Variants in GRM8 observed in about 807,000 individuals in gnomAD.
The protein encoded by GRM8 is glutamate metabotropic receptor 8.
A neutral mutation model predicts 87.2 loss-of-function variants in GRM8; 47 were observed. The observed-to-expected ratio is 0.54, with a 90% CI of 0.43 to 0.69. The LOEUF is 0.69. Among genes scored for constraint, GRM8 ranks in the 30% least tolerant of loss-of-function variants. The probability of loss-of-function intolerance (pLI) is 0.00; values close to 1 mark genes in which losing one functional copy is unlikely to be tolerated. For missense variants in GRM8, 1,019 were observed against 1,139.2 expected (o/e 0.89, Z 1.52); for synonymous variants, 396 against 404.5 (o/e 0.98, Z 0.25).
intron 3 of GRM8, among the ~76,000 whole-genome samples, chr7:126,929,284 G>A (rs1805484399): frequency 2.0e-5 from 3 of 152,186 alleles, no homozygotes; most frequent in African/African-American, 7.2e-5. Context: ...AATCTGTCTA[G>A]TGCTAGCCAG....
At chr7:126,528,968 A>C (rs1814364753) in intron 9 of GRM8, among the ~76,000 whole-genome samples, 1 of 152,224 alleles carries the variant, frequency 6.6e-6, no homozygotes, top group African/African-American at 2.4e-5. Context: ...TAAATAGAGA[A>C]AAAGAACAAG....
chr7:126,439,213 C>T, intron 10 of GRM8, 45 bp from the exon 11 acceptor site: 1 of 1,021,434 alleles, frequency 9.8e-7, no homozygotes, highest in South Asian at 1.3e-5. Flanking sequence ...TATAATAATA[C>T]ATCCTTTTGT....
At chr7:126,998,732 T>C (rs1294482321) in intron 3 of GRM8, among the ~76,000 whole-genome samples, 1 of 150,860 alleles carries the variant, frequency 6.6e-6, no homozygotes, top group Non-Finnish European at 1.5e-5. Flanking sequence ...ACAATGAAAA[T>C]TATAAAACAC....
At chr7:126,700,107 T>C (rs890052623) in intron 7 of GRM8, among the ~76,000 whole-genome samples, 4 of 152,182 alleles carry the variant, frequency 2.6e-5, no homozygotes, top group Admixed American at 6.6e-5. Flanking sequence ...CTGATTCAAC[T>C]TTACAGAATG....
chr7:126,542,644 T>C (rs1816676273), intron 8 of GRM8, among the ~76,000 whole-genome samples: 1 of 152,222 alleles, frequency 6.6e-6, no homozygotes, highest in Non-Finnish European at 1.5e-5. Context: ...TGTGTATCAA[T>C]ACAAGACAGT....
chr7:126,977,779 T>C (rs1382126111), intron 3 of GRM8, among the ~76,000 whole-genome samples: 1 of 152,160 alleles, frequency 6.6e-6, no homozygotes, highest in East Asian at 1.9e-4. Context: ...TGTTACTCAA[T>C]GTCCTGGAAG....
intron 2 of GRM8, among the ~76,000 whole-genome samples, chr7:127,201,364 TA>T (rs1795581298): frequency 6.6e-6 from 1 of 152,200 alleles, no homozygotes; most frequent in Admixed American, 6.5e-5. Context: ...ACACAGCTAG[TA>T]AGTAACAGAT....
intron 3 of GRM8, among the ~76,000 whole-genome samples, chr7:126,970,740 C>T (rs1457258889): frequency 5.3e-5 from 8 of 152,114 alleles, no homozygotes; most frequent in African/African-American, 7.2e-5. Context: ...TCTCAGCTTT[C>T]GACCTGCTTT....
intron 6 of GRM8, among the ~76,000 whole-genome samples, chr7:126,778,586 C>A (rs773997099): frequency 7.9e-4 from 121 of 152,204 alleles, no homozygotes; most frequent in Non-Finnish European, 1.4e-3. Flanking sequence ...TTGCATTTTT[C>A]TACATAATTA....
intron 6 of GRM8, among the ~76,000 whole-genome samples, chr7:126,851,275 T>A (rs1458685705): frequency 1.3e-5 from 2 of 152,172 alleles, no homozygotes; most frequent in African/African-American, 2.4e-5. Context: ...GGGCTATCCC[T>A]CTGTTCCAAG....
intron 2 of GRM8, among the ~76,000 whole-genome samples, chr7:127,136,786 C>T (rs1827966332): frequency 6.6e-6 from 1 of 151,656 alleles, no homozygotes; most frequent in African/African-American, 2.4e-5. Context: ...ATGTTTTGGA[C>T]ACTTACACTT....
At chr7:126,778,007 A>G (rs1304465947) in intron 6 of GRM8, among the ~76,000 whole-genome samples, 2 of 152,184 alleles carry the variant, frequency 1.3e-5, no homozygotes, top group African/African-American at 4.8e-5. Flanking sequence ...TTCTTAAAAT[A>G]TAACATCAAA....
chr7:127,005,184 A>C (rs1814163567), intron 3 of GRM8, among the ~76,000 whole-genome samples: 1 of 150,878 alleles, frequency 6.6e-6, no homozygotes, highest in South Asian at 2.1e-4. Context: ...TATTTGTAGA[A>C]GCCCAACTGG....
intron 2 of GRM8, among the ~76,000 whole-genome samples, chr7:127,149,680 A>C (rs1308466858): frequency 6.6e-6 from 1 of 152,124 alleles, no homozygotes; most frequent in East Asian, 1.9e-4. Flanking sequence ...GCTAATGGAC[A>C]GATGGCTTAA....
intron 7 of GRM8, among the ~76,000 whole-genome samples, chr7:126,634,643 C>T (rs1366782590): frequency 6.6e-6 from 1 of 150,820 alleles, no homozygotes; most frequent in African/African-American, 2.4e-5. Flanking sequence ...ACCTGCCTAC[C>T]TTCTCCCCCT....
Position 126,637,443 on chromosome 7 carries a change from T to A in GRM8, c.1358-27945A>T, listed in dbSNP as rs201119239. On this transcript the variant is annotated intron_variant, in intron 7 of 10. Coordinates refer to ENST00000339582, the MANE Select transcript of GRM8 (RefSeq NM_000845.3). ...ACTCAAAAATAATTAAAATGACATA[T>A]TCTGTTATGTATATTTTACTGTAAT... Among the ~76,000 whole-genome samples the A allele has an allele frequency of 2.0e-5, 3 of 152,024 alleles. No individual in the cohort carries two copies. The East Asian group carries it at 5.8e-4, about 29-fold the overall frequency.
chr7:126,579,427 A>G (rs1372518698), intron 8 of GRM8, among the ~76,000 whole-genome samples: 1 of 152,190 alleles, frequency 6.6e-6, no homozygotes, highest in Non-Finnish European at 1.5e-5. Flanking sequence ...GAATCTCTAT[A>G]TAATAGGAAC....
intron 7 of GRM8, among the ~76,000 whole-genome samples, chr7:126,718,849 G>T (rs1446346314): frequency 6.6e-6 from 1 of 152,166 alleles, no homozygotes; most frequent in Non-Finnish European, 1.5e-5. Context: ...CATGAGGGTA[G>T]CTCCAAATCA....
chr7:126,608,911 C>G (rs1429767275), intron 8 of GRM8, among the ~76,000 whole-genome samples: 1 of 151,936 alleles, frequency 6.6e-6, no homozygotes, highest in Non-Finnish European at 1.5e-5. Flanking sequence ...CTACAAGCAC[C>G]CACCACCACC....
Sources: allele counts gnomAD v4.1 joint callset (sites outside exome capture counted in the v4.1 genomes callset), GRCh38; gene constraint gnomAD v4.1.1; transcripts MANE v1.5; gene names NCBI Gene and HGNC (gene_info 2026-07-23, HGNC 2026-07-21).